The following RIC1 variants were observed in gnomAD, a reference collection of about 807,000 sequenced individuals.
RIC1 encodes the protein guanine nucleotide exchange factor subunit RIC1.
In RIC1, 88 loss-of-function variants were observed where a neutral mutation model predicts 169.0. That is an observed-to-expected ratio of 0.52 (90% CI 0.44 to 0.62). RIC1 has a LOEUF of 0.62. Among genes scored for constraint, RIC1 ranks in the 20% least tolerant of loss-of-function variants. RIC1 has a pLI of 0.00. For missense variants in RIC1, 1,877 were observed against 1,725.5 expected (o/e 1.09, Z -1.56); for synonymous variants, 790 against 601.5 (o/e 1.31, Z -4.59).
At chr9:5,760,294 T>G (rs995231184) in intron 17 of RIC1, among the ~76,000 whole-genome samples, 5 of 152,222 alleles carry the variant, frequency 3.3e-5, no homozygotes, top group Admixed American at 6.5e-5. Context: ...CCCTTGCTTT[T>G]TCTGAAAGCT....
chr9:5,686,561 G>A (rs1821241249), intron 2 of RIC1, among the ~76,000 whole-genome samples: 1 of 149,122 alleles, frequency 6.7e-6, no homozygotes, highest in Non-Finnish European at 1.5e-5. Flanking sequence ...CTCACTCATA[G>A]GTGGGAATTG....
chr9:5,747,637 T>TC, intron 12 of RIC1, 132 bp downstream of exon 12: 1 of 766,234 alleles, frequency 1.3e-6, no homozygotes, highest in Non-Finnish European at 2.1e-6. Context: ...ATGTCCCTCT[T>TC]CTGCTTTTCT....
At chr9:5,667,630 A>C (rs1819854634) in intron 2 of RIC1, among the ~76,000 whole-genome samples, 1 of 150,792 alleles carries the variant, frequency 6.6e-6, no homozygotes, top group African/African-American at 2.4e-5. Context: ...CAGCCTCCCT[A>C]GTAGCTGGGA....
intron 2 of RIC1, among the ~76,000 whole-genome samples, chr9:5,658,264 C>A (rs1398796715): frequency 2.0e-5 from 3 of 152,010 alleles, no homozygotes; most frequent in Middle Eastern, 3.2e-3. Flanking sequence ...TTCAATGGCA[C>A]TATAGCTATG....
chr9:5,646,533 C>A (rs562320569), intron 1 of RIC1, among the ~76,000 whole-genome samples: 2 of 152,212 alleles, frequency 1.3e-5, no homozygotes, highest in South Asian at 4.1e-4. Flanking sequence ...CATTATGGCA[C>A]AATTGCTTAT....
chr9:5,767,850 G>A (rs1826901207), intron 21 of RIC1, among the ~76,000 whole-genome samples: 2 of 151,990 alleles, frequency 1.3e-5, no homozygotes, highest in African/African-American at 4.8e-5. Context: ...GCCTCCCAAA[G>A]TGCTGGGATT....
At chr9:5,680,953 A>T (rs1038222659) in intron 2 of RIC1, among the ~76,000 whole-genome samples, 1 of 144,858 alleles carries the variant, frequency 6.9e-6, no homozygotes, top group Non-Finnish European at 1.5e-5. Flanking sequence ...CAGCCTCCCG[A>T]GTAGCTGGGA....
intron 2 of RIC1, among the ~76,000 whole-genome samples, chr9:5,672,898 T>A (rs1359673382): frequency 6.6e-6 from 1 of 152,134 alleles, no homozygotes. Flanking sequence ...TAAGGGAACA[T>A]TAGAACAACA....
downstream of RIC1, among the ~76,000 whole-genome samples, chr9:5,777,463 T>TTG (rs1214899358): frequency 6.6e-6 from 1 of 152,020 alleles, no homozygotes; most frequent in Non-Finnish European, 1.5e-5. Context: ...AGACTGAGTG[T>TTG]TGTCAGCATG....
intron 11 of RIC1, among the ~76,000 whole-genome samples, chr9:5,746,874 A>C (rs566803881): frequency 8.7e-4 from 133 of 152,342 alleles, no homozygotes; most frequent in Non-Finnish European, 1.2e-3. Flanking sequence ...CAGATCCATT[A>C]TTCCACTTGA....
In RIC1 at chr9:5,722,707, C is replaced by T. The variant is rs575521316; in HGVS notation, c.720+1957C>T. Reference sequence around the variant, plus strand: ...ATCTCCTAATGCTATCCCTCCCCCCCTCGCCCCACCCCACGACAGGCCCTG... The same window carrying T: ...ATCTCCTAATGCTATCCCTCCCCCCTTCGCCCCACCCCACGACAGGCCCTG... On this transcript the variant is annotated intron_variant, in intron 6 of 25. Coordinates refer to ENST00000414202, the MANE Select transcript of RIC1 (RefSeq NM_020829.4). Among the ~76,000 whole-genome samples, 130 of 152,254 alleles carry T rather than the reference C, an allele frequency of 8.5e-4. No homozygotes were observed. The Middle Eastern group carries it at 0.01, about 12-fold the overall frequency.
intron 22 of RIC1, chr9:5,769,559 G>A: frequency 1.1e-6 from 1 of 949,692 alleles, no homozygotes; most frequent in Non-Finnish European, 1.5e-6. Context: ...GTTATTGTGG[G>A]AAGGAGTTCT....
intron 7 of RIC1, among the ~76,000 whole-genome samples, chr9:5,738,084 T>C (rs1406169418): frequency 6.6e-6 from 1 of 152,154 alleles, no homozygotes; most frequent in Non-Finnish European, 1.5e-5. Flanking sequence ...AGTTCATTCA[T>C]TTTCAGTGCT....
At chr9:5,727,577 C>A (rs1387191137) in intron 6 of RIC1, among the ~76,000 whole-genome samples, 1 of 152,202 alleles carries the variant, frequency 6.6e-6, no homozygotes, top group Non-Finnish European at 1.5e-5. Context: ...AGCTTTGTTC[C>A]ATTGCTGGCA....
intron 7 of RIC1, among the ~76,000 whole-genome samples, chr9:5,734,442 A>G (rs1249909948): frequency 6.6e-6 from 1 of 152,036 alleles, no homozygotes; most frequent in Non-Finnish European, 1.5e-5. Flanking sequence ...CAGATTTTGT[A>G]TCTCTTCCTA....
intron 3 of RIC1, chr9:5,713,068 G>A (rs1044924763): frequency 6.6e-6 from 1 of 152,188 alleles, no homozygotes; most frequent in Non-Finnish European, 1.5e-5. Context: ...GGACTTGTTT[G>A]CCTCTTTGTG....
intron 7 of RIC1, among the ~76,000 whole-genome samples, chr9:5,733,825 T>C (rs76965069): frequency 6.6e-6 from 1 of 151,810 alleles, no homozygotes; most frequent in East Asian, 1.9e-4. Context: ...TCACCTATAA[T>C]TTTCCTCTTT....
intron 3 of RIC1, among the ~76,000 whole-genome samples, chr9:5,704,848 TATG>T (rs1279237225): frequency 1.3e-5 from 2 of 152,172 alleles, no homozygotes; most frequent in Non-Finnish European, 2.9e-5. Context: ...ATTTTTTACT[TATG>T]ATGTGAGATA....
intron 2 of RIC1, among the ~76,000 whole-genome samples, chr9:5,658,998 T>C (rs1220133667): frequency 6.6e-6 from 1 of 152,024 alleles, no homozygotes; most frequent in African/African-American, 2.4e-5. Context: ...AGATGAAAAT[T>C]TGCACTCAAT....
Sources: allele counts gnomAD v4.1 joint callset (sites outside exome capture counted in the v4.1 genomes callset), GRCh38; gene constraint gnomAD v4.1.1; transcripts MANE v1.5; gene names NCBI Gene and HGNC (gene_info 2026-07-23, HGNC 2026-07-21).